The following PPARGC1A variants were observed in gnomAD, a reference collection of about 807,000 sequenced individuals.
PPARGC1A encodes the protein PPARG coactivator 1 alpha.
In PPARGC1A, 25 loss-of-function variants were observed where a neutral mutation model predicts 88.7. The ratio of observed to expected loss-of-function variants is 0.28; its 90% confidence interval spans 0.21 to 0.39. The LOEUF is 0.39. Ranked by LOEUF, PPARGC1A falls within the 10% of genes least tolerant of loss-of-function variation. The pLI is 1.00. For synonymous variants in PPARGC1A, 363 were observed against 355.6 expected (o/e 1.02, Z -0.24); for missense variants, 880 against 968.7 (o/e 0.91, Z 1.22).
the PPARGC1A span, among the ~76,000 whole-genome samples, chr4:24,364,722 T>G: frequency 6.6e-6 from 1 of 152,314 alleles, no homozygotes; most frequent in African/African-American, 2.4e-5. Flanking sequence ...TACATATGTA[T>G]TTGTGTATAC....
chr4:24,204,576 A>G, the PPARGC1A span, among the ~76,000 whole-genome samples: 4 of 152,180 alleles, frequency 2.6e-5, no homozygotes, highest in African/African-American at 9.7e-5. Flanking sequence ...ACGCCTGGCC[A>G]CATCCACATA....
At chr4:23,895,779 A>T (rs1718484146) in intron 1 of PPARGC1A, among the ~76,000 whole-genome samples, 2 of 152,096 alleles carry the variant, frequency 1.3e-5, no homozygotes, top group Admixed American at 6.6e-5. Flanking sequence ...GACCTAGAAC[A>T]TCTACTTCTA....
the PPARGC1A span, among the ~76,000 whole-genome samples, chr4:24,035,158 C>T: frequency 6.6e-6 from 1 of 152,038 alleles, no homozygotes; most frequent in Admixed American, 6.5e-5. Context: ...CAGGGCAGTC[C>T]ATAGGCATGT....
chr4:23,969,979 A>G, the PPARGC1A span, among the ~76,000 whole-genome samples: 1 of 152,198 alleles, frequency 6.6e-6, no homozygotes, highest in Admixed American at 6.5e-5. Context: ...TCTATCCAAC[A>G]TGCCAAAAGC....
At chr4:24,008,670 G>A in the PPARGC1A span, among the ~76,000 whole-genome samples, 1 of 150,422 alleles carries the variant, frequency 6.6e-6, no homozygotes, top group Non-Finnish European at 1.5e-5. Context: ...CCCTTCAGAA[G>A]TACTGAAAAT....
At chr4:24,234,819 A>T in the PPARGC1A span, among the ~76,000 whole-genome samples, 1 of 152,192 alleles carries the variant, frequency 6.6e-6, no homozygotes, top group Non-Finnish European at 1.5e-5. Flanking sequence ...CGTCATACTA[A>T]TTGGGCAAAA....
intron 2 of PPARGC1A, among the ~76,000 whole-genome samples, chr4:23,851,462 G>C (rs1449680975): frequency 6.6e-6 from 1 of 152,122 alleles, no homozygotes; most frequent in Non-Finnish European, 1.5e-5. Flanking sequence ...CGATTTCATA[G>C]AGTATCAAAG....
the PPARGC1A span, among the ~76,000 whole-genome samples, chr4:24,360,003 C>G: frequency 6.6e-6 from 1 of 152,150 alleles, no homozygotes; most frequent in Non-Finnish European, 1.5e-5. Flanking sequence ...AATCCAATCT[C>G]TCTGTGGATT....
the PPARGC1A span, among the ~76,000 whole-genome samples, chr4:24,063,134 T>G: frequency 0.012 from 1,784 of 152,248 alleles, 19 homozygotes; most frequent in Non-Finnish European, 0.018. Context: ...TAGACATCCT[T>G]CTCCCAAGTG....
At chr4:23,872,431 T>G (rs1412920383) in intron 2 of PPARGC1A, among the ~76,000 whole-genome samples, 1 of 152,184 alleles carries the variant, frequency 6.6e-6, no homozygotes, top group Non-Finnish European at 1.5e-5. Context: ...TCTGTCCCAC[T>G]GCCCTGCATT....
Position 23,829,491 on chromosome 4 carries a change from CTGTGAT to C in PPARGC1A, c.518_523del (p.Asn173_His174del). The C allele has an allele frequency of 6.2e-7, 1 of 1,613,742 alleles. No individual in the cohort carries two copies. The highest frequency in any genetic ancestry group is 1.3e-5 in the African/African-American group (1 of 75,024). ...AACAATTGCAGGGTTTGTTCTGATCCTGTGATTGTGATTTGCATGGTTCTGGGTACT... is the reference window on the plus strand; with the variant it reads ...AACAATTGCAGGGTTTGTTCTGATCCTGTGATTTGCATGGTTCTGGGTACT... On this transcript the variant is annotated inframe_deletion, in exon 4 of 13. Transcript: ENST00000264867.
the PPARGC1A span, among the ~76,000 whole-genome samples, chr4:24,398,109 CAACTTTATAAG>C: frequency 6.6e-6 from 1 of 152,040 alleles, no homozygotes; most frequent in Non-Finnish European, 1.5e-5. Context: ...TAAATAAATC[CAACTTTATAAG>C]AACATTTACA....
At chr4:24,079,814 G>A in the PPARGC1A span, among the ~76,000 whole-genome samples, 1 of 152,126 alleles carries the variant, frequency 6.6e-6, no homozygotes, top group Non-Finnish European at 1.5e-5. Context: ...ATACTTGTCA[G>A]TTTCTCAACT....
At chr4:24,433,427 A>G in the PPARGC1A span, among the ~76,000 whole-genome samples, 4 of 152,278 alleles carry the variant, frequency 2.6e-5, no homozygotes, top group East Asian at 7.7e-4. Flanking sequence ...GAAATAGGTT[A>G]CTGGGTTTTA....
chr4:24,310,951 T>C, the PPARGC1A span, among the ~76,000 whole-genome samples: 1 of 152,194 alleles, frequency 6.6e-6, no homozygotes, highest in East Asian at 1.9e-4. Flanking sequence ...AAAGAATGCA[T>C]GCTTGTAATG....
the PPARGC1A span, among the ~76,000 whole-genome samples, chr4:24,043,518 C>A: frequency 1.3e-5 from 2 of 152,076 alleles, no homozygotes; most frequent in African/African-American, 4.8e-5. Context: ...TATAAACACC[C>A]CTTTTCTCAT....
the PPARGC1A span, among the ~76,000 whole-genome samples, chr4:24,373,567 G>A: frequency 3.9e-5 from 6 of 152,186 alleles, no homozygotes; most frequent in African/African-American, 1.4e-4. Flanking sequence ...GAATAAAAAT[G>A]TCTCTTACTA....
the PPARGC1A span, among the ~76,000 whole-genome samples, chr4:24,365,209 A>G: frequency 4.6e-5 from 7 of 152,142 alleles, no homozygotes; most frequent in African/African-American, 1.4e-4. Flanking sequence ...TGGGACTTTG[A>G]AAGACTATAA....
the PPARGC1A span, among the ~76,000 whole-genome samples, chr4:23,930,376 T>C: frequency 2.0e-3 from 309 of 152,282 alleles, no homozygotes; most frequent in Non-Finnish European, 3.6e-3. Flanking sequence ...TCAATCATAT[T>C]GTGGGGAGTA....
Sources: gnomAD v4.1 joint callset for allele counts (sites outside exome capture counted in the v4.1 genomes callset) on GRCh38, gnomAD v4.1.1 for gene constraint, MANE v1.5 for transcripts, NCBI Gene and HGNC (gene_info 2026-07-23, HGNC 2026-07-21) for gene names.